The following GJC1 variants were observed in gnomAD, a reference collection of about 807,000 sequenced individuals.
GJC1 encodes gap junction gamma-1 protein.
Under a neutral mutation model 29.3 loss-of-function variants are expected in GJC1, and 5 were observed. That is an observed-to-expected ratio of 0.17 (90% CI 0.09 to 0.36). The LOEUF (loss-of-function observed/expected upper bound fraction) is 0.36. Ranked by LOEUF, GJC1 falls within the 10% of genes least tolerant of loss-of-function variation. GJC1 has a pLI of 1.00. For missense variants in GJC1, 310 were observed against 496.2 expected, an observed-to-expected ratio of 0.62 and a Z score of 3.56; for synonymous variants, 177 against 183.3, an observed-to-expected ratio of 0.97 and a Z score of 0.28.
At chr17:44,815,043 C>G (rs2050027204) in intron 1 of GJC1, among the ~76,000 whole-genome samples, 1 of 152,054 alleles carries the variant, frequency 6.6e-6, no homozygotes. Context: ...TGAGATTCAG[C>G]TGTGAATGGC....
chr17:44,817,831 C>T (rs904997524), intron 1 of GJC1, among the ~76,000 whole-genome samples: 2 of 152,088 alleles, frequency 1.3e-5, no homozygotes, highest in African/African-American at 4.8e-5. Flanking sequence ...TTCTTGACCA[C>T]TCGCTAGTAA....
intron 1 of GJC1, among the ~76,000 whole-genome samples, chr17:44,814,644 C>T (rs2050021703): frequency 6.6e-6 from 1 of 151,946 alleles, no homozygotes. Context: ...GAAAAGGTGC[C>T]TAAAATTCAG....
chr17:44,812,121 T>C (rs2049989799), intron 1 of GJC1, among the ~76,000 whole-genome samples: 1 of 152,044 alleles, frequency 6.6e-6, no homozygotes, highest in South Asian at 2.1e-4. Context: ...GAGACCATCC[T>C]GGCCAACATG....
rs138347018 is a variant in GJC1 at position 44,812,750 on chromosome 17, C to T, written c.-96-5281G>A. On this transcript the variant is annotated intron_variant, in intron 1 of 2. Coordinates refer to ENST00000592524, the MANE Select transcript of GJC1 (RefSeq NM_005497.4). ...GCAACCTCCACCTCCCGGGTTCAAGCGATTCTCCTGCCTCAGCCTCCCGAA... is the reference window on the plus strand; with the variant it reads ...GCAACCTCCACCTCCCGGGTTCAAGTGATTCTCCTGCCTCAGCCTCCCGAA... 5.6e-3 allele frequency among the ~76,000 whole-genome samples: 850 copies of T among 151,942 alleles called. 23 individuals carry two copies. The highest frequency in any genetic ancestry group is 0.04 in the Admixed American group (608 of 15,238).
chr17:44,797,291 A>G (rs1206528129), downstream of GJC1, among the ~76,000 whole-genome samples: 1 of 152,066 alleles, frequency 6.6e-6, no homozygotes, highest in East Asian at 1.9e-4. Flanking sequence ...TATTTTTAGT[A>G]GAGATGGGGT....
At chr17:44,796,889 C>G (rs563113565), downstream of GJC1, among the ~76,000 whole-genome samples, 2 of 152,018 alleles carry the variant, frequency 1.3e-5, no homozygotes, top group Non-Finnish European at 2.9e-5. Context: ...GCTCTGTCAT[C>G]CAGGGTGGCG....
chr17:44,816,715 A>G (rs575794577), intron 1 of GJC1, among the ~76,000 whole-genome samples: 12 of 152,142 alleles, frequency 7.9e-5, no homozygotes, highest in African/African-American at 2.6e-4. Context: ...CTTGTTATCC[A>G]GGCTGGTCTC....
chr17:44,808,427 T>TCA (rs1215633687), intron 1 of GJC1, among the ~76,000 whole-genome samples: 1 of 91,788 alleles, frequency 1.1e-5, no homozygotes, highest in Non-Finnish European at 2.3e-5. Flanking sequence ...ACCCTGTCTC[T>TCA]TACACACACA....
intron 2 of GJC1, among the ~76,000 whole-genome samples, chr17:44,806,406 T>G (rs915194959): frequency 4.0e-5 from 6 of 150,730 alleles, no homozygotes; most frequent in Admixed American, 6.6e-5. Context: ...TGTTTGTTTT[T>G]TTTTTTTTTT....
At chr17:44,830,517 G>A, upstream of GJC1, 1 of 396,950 alleles carries the variant, frequency 2.5e-6, no homozygotes, top group Admixed American at 4.4e-5. The surrounding 1 kb of genome is among the most constrained non-coding windows in gnomAD (Gnocchi z 4.3). Flanking sequence ...TGGACCCCGG[G>A]TGGGCGCAGA....
At chr17:44,810,034 TG>T (rs996655042) in intron 1 of GJC1, among the ~76,000 whole-genome samples, 2 of 151,542 alleles carry the variant, frequency 1.3e-5, no homozygotes, top group Non-Finnish European at 2.9e-5. Flanking sequence ...ATTTTTTTTT[TG>T]TATTTTTTTG....
intron 1 of GJC1, among the ~76,000 whole-genome samples, chr17:44,813,971 T>C (rs1167284299): frequency 6.6e-6 from 1 of 152,122 alleles, no homozygotes; most frequent in Non-Finnish European, 1.5e-5. Flanking sequence ...GCTTACAATG[T>C]TACAGAGTAC....
intron 1 of GJC1, among the ~76,000 whole-genome samples, chr17:44,811,150 C>T (rs1005728695): frequency 2.6e-5 from 4 of 152,016 alleles, no homozygotes; most frequent in Admixed American, 6.6e-5. Context: ...GGCACGATCT[C>T]AGCTCACTGC....
At chr17:44,821,232 A>C (rs142037717) in intron 1 of GJC1, among the ~76,000 whole-genome samples, 1 of 152,356 alleles carries the variant, frequency 6.6e-6, no homozygotes, top group Non-Finnish European at 1.5e-5. Flanking sequence ...AACTGTCTTC[A>C]TGCAAACAGG....
At chr17:44,813,484 C>CTTTTTT (rs35299072) in intron 1 of GJC1, among the ~76,000 whole-genome samples, 6 of 80,502 alleles carry the variant, frequency 7.5e-5, no homozygotes, top group African/African-American at 2.5e-4. Flanking sequence ...TTCCAAGTTA[C>CTTTTTT]TTTTTTTTTT....
chr17:44,823,190 G>A (rs554869562), intron 1 of GJC1, among the ~76,000 whole-genome samples: 8 of 150,844 alleles, frequency 5.3e-5, no homozygotes, highest in Admixed American at 1.3e-4. Flanking sequence ...AAGTTTATCC[G>A]ATTTATATAG....
In GJC1 at chr17:44,804,390, A is replaced by C; in HGVS notation, c.*237T>G. 1 of 481,090 alleles carries C rather than the reference A, an allele frequency of 2.1e-6. No individual in the cohort carries two copies. The highest frequency in any genetic ancestry group is 3.7e-6 in the Non-Finnish European group (1 of 273,754). The allele number at this position is 481,090 out of a possible 1,614,324, so 29.8% of individuals were successfully genotyped here. A position where few individuals can be genotyped will look rare whatever the true frequency, so the allele number is the denominator to read the frequency against. ...GTCTGTTCTTCTCCAGATCTGGAAG[A>C]CACAAATGTAAAGTTCTGCAACTGT... is the stretch of plus-strand genomic sequence containing the variant. On this transcript the variant is annotated 3_prime_UTR_variant, in exon 3 of 3. Coordinates refer to ENST00000592524, the MANE Select transcript of GJC1 (RefSeq NM_005497.4).
chr17:44,823,232 T>C (rs565548965), intron 1 of GJC1, among the ~76,000 whole-genome samples: 4 of 149,536 alleles, frequency 2.7e-5, no homozygotes, highest in African/African-American at 9.8e-5. Context: ...TCTGAAACCC[T>C]ATGCATTTCT....
chr17:44,797,117 T>C (rs1393329451), downstream of GJC1, among the ~76,000 whole-genome samples: 1 of 144,742 alleles, frequency 6.9e-6, no homozygotes, highest in East Asian at 1.9e-4. Context: ...TAATTATTAT[T>C]TTTTTTGAGA....
Sources: allele counts gnomAD v4.1 joint callset (sites outside exome capture counted in the v4.1 genomes callset), GRCh38; gene constraint gnomAD v4.1.1; non-coding constraint Gnocchi (gnomAD v3.1); transcripts MANE v1.5; gene names NCBI Gene and HGNC (gene_info 2026-07-23, HGNC 2026-07-21).